HAS3: variants seen among roughly 807,000 people sequenced by gnomAD.
HAS3 encodes the protein HA synthase 3.
HAS3 carries 27 observed loss-of-function variants against 50.3 expected under a neutral mutation model. The ratio of observed to expected loss-of-function variants is 0.54; its 90% CI spans 0.40 to 0.74. HAS3 has a LOEUF of 0.74. Ranked by LOEUF, HAS3 falls within the 30% of genes least tolerant of loss-of-function variation. The probability of loss-of-function intolerance (pLI) is 0.00; values close to 1 mark genes in which losing one functional copy is unlikely to be tolerated. For missense variants in HAS3, 517 were observed against 742.8 expected (o/e 0.70, Z 3.53); for synonymous variants, 339 against 310.9 (o/e 1.09, Z -0.95).
upstream of HAS3, among the ~76,000 whole-genome samples, chr16:69,103,003 A>ATGTGTGTGTGTGTGTGTGTG (rs35175934): frequency 1.4e-5 from 2 of 138,686 alleles, no homozygotes; most frequent in South Asian, 2.7e-4. Flanking sequence ...TGGAGTGTGC[A>ATGTGTGTGTGTGTGTGTGTG]TGTGTGTGTG....
chr16:69,116,868 GA>G lies in HAS3; in HGVS notation c.*1604del, dbSNP rs1961207278. 3 of 985,458 alleles carry G rather than the reference GA, an allele frequency of 3.0e-6. No individual in the cohort carries two copies. The African/African-American group carries it at 5.2e-5, about 17-fold the overall frequency. 61.0% of individuals were successfully genotyped at this position (985,458 alleles called of 1,614,324 possible). A position where few individuals can be genotyped will look rare whatever the true frequency, so the allele number is the denominator to read the frequency against. ...TCAGAGGGGCCAGCTAACCCGTGCA[GA>G]ACCAGCACTAAGGTGGACAGCAGAC... On this transcript the variant is annotated 3_prime_UTR_variant, in exon 4 of 4. Coordinates refer to ENST00000569188, the MANE Select transcript of HAS3 (RefSeq NM_001199280.2).
the HAS3 span, among the ~76,000 whole-genome samples, chr16:69,090,909 G>C: frequency 1.3e-5 from 2 of 152,150 alleles, no homozygotes; most frequent in Non-Finnish European, 2.9e-5. Context: ...CACACTCTGA[G>C]ATAGGTCTTA....
the HAS3 span, among the ~76,000 whole-genome samples, chr16:69,086,120 G>C: frequency 6.6e-6 from 1 of 151,198 alleles, no homozygotes; most frequent in African/African-American, 2.4e-5. Flanking sequence ...CTCCTTACTC[G>C]GTTTCCTAAA....
Position 69,117,346 on chromosome 16 carries a change from A to G in HAS3, c.*2080A>G, listed in dbSNP as rs1045809769. The G allele has an allele frequency of 4.1e-6, 4 of 985,826 alleles. No homozygotes were observed. In the Admixed American group the frequency reaches 1.8e-4, roughly 45 times the overall value. 61.1% of individuals were successfully genotyped at this position (985,826 alleles called of 1,614,324 possible). Reference sequence around the variant, plus strand: ...CGTCAACTTTCCTCAAATCAAAAACAGGCAGGTACAGGTAGTGGGCTCACA... The same window carrying G: ...CGTCAACTTTCCTCAAATCAAAAACGGGCAGGTACAGGTAGTGGGCTCACA... On this transcript the variant is annotated 3_prime_UTR_variant, in exon 4 of 4. Coordinates refer to ENST00000569188, the MANE Select transcript of HAS3 (RefSeq NM_001199280.2).
rs925151244 is a variant in HAS3 at position 69,107,162 on chromosome 16, C to T, written c.-1+1375C>T. On this transcript the variant is annotated intron_variant, in intron 1 of 3. Coordinates refer to ENST00000569188, the MANE Select transcript of HAS3 (RefSeq NM_001199280.2). This position sits in a 1 kb window ranked among gnomAD's most constrained non-coding sequence, Gnocchi z 5.5. The stretch of plus-strand genomic sequence containing the variant: ...CTGCCGGCTTGGGGTGACACAGCCC[C>T]CCGCCCCAGGTCTGGGCAGGAGAAC... 4 of 215,290 alleles carry T rather than the reference C, an allele frequency of 1.9e-5. No individual in the cohort carries two copies. Among genetic ancestry groups the T allele is most frequent in the Non-Finnish European group, 2.4e-5 (3 of 125,796 alleles). The allele number at this position is 215,290 out of a possible 1,614,324, so 13.3% of individuals were successfully genotyped here.
chr16:69,118,377 T>C (rs1204151570), downstream of HAS3: 2 of 1,610,914 alleles, frequency 1.2e-6, no homozygotes, highest in Non-Finnish European at 1.7e-6. Flanking sequence ...GGTATGGCAG[T>C]AGAGGATGAC....
At chr16:69,118,528 G>C, downstream of HAS3, 1 of 954,288 alleles carries the variant, frequency 1.0e-6, no homozygotes, top group Non-Finnish European at 1.7e-6. Context: ...ATGTATCCCT[G>C]AGGAAAAGTC....
upstream of HAS3, among the ~76,000 whole-genome samples, chr16:69,103,003 ATGTGTGTGTGTGTGTG>A (rs35175934): frequency 4.1e-4 from 57 of 138,784 alleles, no homozygotes; most frequent in Non-Finnish European, 6.4e-4. Flanking sequence ...TGGAGTGTGC[ATGTGTGTGTGTGTGTG>A]TGTGTGTGTG....
At position 69,107,338 on chromosome 16, in the gene HAS3, C is replaced by G. The variant is rs887966621; in HGVS notation, c.-1+1551C>G. The stretch of plus-strand genomic sequence containing the variant: ...GGTCCCGCCCAGGGAAGGAGAGGGC[C>G]GGCTACACCGGGGATGCGCCTTTGT... On this transcript the variant is annotated intron_variant, in intron 1 of 3. Coordinates refer to ENST00000569188, the MANE Select transcript of HAS3 (RefSeq NM_001199280.2). The surrounding 1 kb of genome is among the most constrained non-coding windows in gnomAD (Gnocchi z 5.5). The G allele has an allele frequency of 3.2e-5, 31 of 983,428 alleles. No homozygotes were observed. The highest frequency in any genetic ancestry group is 3.6e-5 in the Non-Finnish European group (30 of 828,168). The allele number at this position is 983,428 out of a possible 1,614,324, so 60.9% of individuals were successfully genotyped here. A position where few individuals can be genotyped will look rare whatever the true frequency, so the allele number is the denominator to read the frequency against.
chr16:69,106,826 A>C lies in HAS3; in HGVS notation c.-1+1039A>C, dbSNP rs539451285. The C allele has an allele frequency of 6.6e-6, 1 of 152,038 alleles. No individual in the cohort carries two copies. Among genetic ancestry groups the C allele is most frequent in the Non-Finnish European group, 1.5e-5 (1 of 68,006 alleles). The allele number at this position is 152,038 out of a possible 1,614,324, so 9.4% of individuals were successfully genotyped here. ...GGAGGGGCCCGGAGGGCGGCCGGGC[A>C]CAAGAGGAGGAGCCCCGTTGGGCGC... On this transcript the variant is annotated intron_variant, in intron 1 of 3. Coordinates refer to ENST00000569188, the MANE Select transcript of HAS3 (RefSeq NM_001199280.2). The surrounding 1 kb of genome is among the most constrained non-coding windows in gnomAD (Gnocchi z 5.5).
At chr16:69,100,167 T>G in the HAS3 span, among the ~76,000 whole-genome samples, 1 of 152,196 alleles carries the variant, frequency 6.6e-6, no homozygotes, top group African/African-American at 2.4e-5. Context: ...CTGGAAATGG[T>G]CCTGATTACA....
chr16:69,108,947 A>G (rs1055424072), intron 1 of HAS3, among the ~76,000 whole-genome samples: 28 of 152,284 alleles, frequency 1.8e-4, no homozygotes, highest in African/African-American at 6.7e-4. Context: ...CTCTTAGGCC[A>G]CTGGCTGCCT....
chr16:69,091,109 A>G, the HAS3 span, among the ~76,000 whole-genome samples: 1 of 152,084 alleles, frequency 6.6e-6, no homozygotes, highest in Admixed American at 6.6e-5. Flanking sequence ...AATTCCCACG[A>G]TCTCACCTCA....
downstream of HAS3, chr16:69,117,692 G>A (rs1245628507): frequency 4.2e-6 from 4 of 959,696 alleles, no homozygotes; most frequent in Non-Finnish European, 5.0e-6. Context: ...TTTAATGAAA[G>A]CTAGCTCTTT....
At chr16:69,104,744 A>G (rs1263303205), upstream of HAS3, among the ~76,000 whole-genome samples, 2 of 152,032 alleles carry the variant, frequency 1.3e-5, no homozygotes, top group African/African-American at 4.8e-5. Flanking sequence ...GTGCCTGGCC[A>G]ATAATGTAAG....
the HAS3 span, among the ~76,000 whole-genome samples, chr16:69,093,510 G>C: frequency 6.9e-6 from 1 of 144,902 alleles, no homozygotes; most frequent in Admixed American, 7.0e-5. Flanking sequence ...ACTGAGCCCA[G>C]CCTACAGTGT....
rs756536611 is a variant in HAS3, at chr16:69,110,010, C to A, written c.615C>A (p.Gly205=). ...TGTACACGGCCTTCAAGGCCCTCGGCGATTCGGTGGACTACATCCAGGTAA... is the reference window on the plus strand; with the variant it reads ...TGTACACGGCCTTCAAGGCCCTCGGAGATTCGGTGGACTACATCCAGGTAA... ...EVMYTAFKAL[G]DSVDYIQVCD... is the part of the protein sequence containing the mutation. The change falls in exon 2 of 4, where the codon GGC becomes GGA. Residue 205 remains glycine, a synonymous_variant. Transcript: ENST00000569188. 6.2e-7 allele frequency: 1 copy of A among 1,607,490 alleles called. No homozygotes were observed. The highest frequency in any genetic ancestry group is 1.3e-5 in the African/African-American group (1 of 74,926).
chr16:69,117,774 C>A (rs1303630749), downstream of HAS3: 9 of 310,640 alleles, frequency 2.9e-5, no homozygotes, highest in Non-Finnish European at 4.2e-5. Flanking sequence ...GGCAATATGT[C>A]CATCCTGGTA....
the HAS3 span, among the ~76,000 whole-genome samples, chr16:69,090,176 A>G: frequency 1.3e-5 from 2 of 152,186 alleles, no homozygotes; most frequent in Non-Finnish European, 1.5e-5. Flanking sequence ...AGGTACTCAC[A>G]TATACACATG....
Sources: gnomAD v4.1 joint callset for allele counts (sites outside exome capture counted in the v4.1 genomes callset) on GRCh38, gnomAD v4.1.1 for gene constraint, Gnocchi (gnomAD v3.1) non-coding constraint, MANE v1.5 for transcripts, NCBI Gene and HGNC (gene_info 2026-07-23, HGNC 2026-07-21) for gene names.